The following NID1 variants were observed in gnomAD, a reference collection of about 807,000 sequenced individuals.
NID1 encodes the protein nidogen-1.
A neutral mutation model predicts 130.6 loss-of-function variants in NID1; 76 were observed. The ratio of observed to expected loss-of-function variants is 0.58; its 90% CI spans 0.48 to 0.70. NID1 has a LOEUF of 0.70. NID1 is among the 30% of genes least tolerant of loss of function. The pLI is 0.00. For missense variants in NID1, 1,517 were observed against 1,664.8 expected, an observed-to-expected ratio of 0.91 and a Z score of 1.54; for synonymous variants, 665 against 675.1, an observed-to-expected ratio of 0.98 and a Z score of 0.23.
intron 1 of NID1, among the ~76,000 whole-genome samples, chr1:236,053,288 G>A (rs1378092902): frequency 3.3e-5 from 5 of 152,172 alleles, no homozygotes; most frequent in Admixed American, 2.6e-4. Context: ...CCAGAAATAA[G>A]CCATAGGAAC....
chr1:236,023,905 C>T (rs994137379), intron 9 of NID1, among the ~76,000 whole-genome samples, 165 bp downstream of exon 9: 1 of 152,206 alleles, frequency 6.6e-6, no homozygotes, highest in South Asian at 2.1e-4. Flanking sequence ...AGTTTACCCA[C>T]GGGAACAGTG....
chr1:236,013,381 A>G, intron 11 of NID1, 30 bp downstream of exon 11: 1 of 1,612,046 alleles, frequency 6.2e-7, no homozygotes, highest in Non-Finnish European at 8.5e-7. Flanking sequence ...CTCAGGTTAC[A>G]CACAGGGGAA....
At chr1:235,989,970 C>T (rs920829463) in intron 14 of NID1, among the ~76,000 whole-genome samples, 4 of 152,120 alleles carry the variant, frequency 2.6e-5, no homozygotes, top group African/African-American at 9.7e-5. Context: ...CTTTGAGGGC[C>T]ATAAAAAGGA....
At chr1:235,994,655 T>A (rs1657869465) in intron 12 of NID1, among the ~76,000 whole-genome samples, 1 of 152,196 alleles carries the variant, frequency 6.6e-6, no homozygotes, top group Non-Finnish European at 1.5e-5. Context: ...TTTTGTTTGT[T>A]TTTTCTAAAT....
intron 12 of NID1, among the ~76,000 whole-genome samples, chr1:236,008,595 G>A (rs1386961081): frequency 6.6e-6 from 1 of 152,040 alleles, no homozygotes; most frequent in Non-Finnish European, 1.5e-5. Flanking sequence ...CCGCCTCCTG[G>A]GCTCAAGCTA....
intron 12 of NID1, 53 bp from the exon 13 acceptor site, chr1:235,993,925 C>A (rs542099709): frequency 2.6e-6 from 4 of 1,535,486 alleles, no homozygotes; most frequent in East Asian, 4.7e-5. Flanking sequence ...TCCGTCAGCG[C>A]TCCCTGGCGG....
intron 12 of NID1, among the ~76,000 whole-genome samples, chr1:236,011,303 TTTC>T (rs1471971688): frequency 2.8e-5 from 4 of 144,346 alleles, no homozygotes; most frequent in African/African-American, 1.0e-4. Flanking sequence ...ATTCTTTTTT[TTTC>T]TTTTTTTTTT....
chr1:235,980,451 T>C (rs1222850464), intron 17 of NID1, 45 bp downstream of exon 17: 2 of 1,600,494 alleles, frequency 1.2e-6, no homozygotes, highest in Admixed American at 1.7e-5. Flanking sequence ...ACCCCTGACT[T>C]AGGAGATTGA....
intron 6 of NID1, among the ~76,000 whole-genome samples, chr1:236,031,043 T>C (rs1659083112): frequency 6.6e-6 from 1 of 152,194 alleles, no homozygotes; most frequent in Admixed American, 6.5e-5. Context: ...TATATATGCC[T>C]GTGGACTAGG....
At chr1:235,991,121 A>ACC in intron 13 of NID1, 63 bp from the exon 14 acceptor site, 2 of 1,370,564 alleles carry the variant, frequency 1.5e-6, no homozygotes, top group South Asian at 1.4e-5. Flanking sequence ...AGATGCACAC[A>ACC]CACACACCCC....
chr1:236,063,153 C>CAAAAAAAAAAAAAAAAAA (rs57769010), intron 1 of NID1, among the ~76,000 whole-genome samples: 1 of 79,708 alleles, frequency 1.3e-5, no homozygotes, highest in African/African-American at 6.4e-5. Flanking sequence ...GACTTCATCT[C>CAAAAAAAAAAAAAAAAAA]AAAAAAAAAA....
chr1:236,001,976 C>T (rs1658088673), intron 12 of NID1, among the ~76,000 whole-genome samples: 3 of 152,212 alleles, frequency 2.0e-5, no homozygotes, highest in South Asian at 2.1e-4. Flanking sequence ...CCCATGGACA[C>T]GTGAAGCACT....
At chr1:235,978,875 C>T in intron 19 of NID1, 120 bp downstream of exon 19, 1 of 672,232 alleles carries the variant, frequency 1.5e-6, no homozygotes, top group Non-Finnish European at 2.7e-6. Flanking sequence ...ATGCAAAGGA[C>T]TGGATCTCTC....
At chr1:236,005,545 T>A (rs922988510) in intron 12 of NID1, among the ~76,000 whole-genome samples, 8 of 152,260 alleles carry the variant, frequency 5.3e-5, no homozygotes, top group African/African-American at 1.7e-4. Context: ...TTGCTATTTT[T>A]AAAACAATAC....
At chr1:236,007,467 G>A (rs533785884) in intron 12 of NID1, among the ~76,000 whole-genome samples, 1 of 152,264 alleles carries the variant, frequency 6.6e-6, no homozygotes, top group South Asian at 2.1e-4. Flanking sequence ...GCAGACCCCT[G>A]TCACACTGCA....
At chr1:236,044,292 CA>C (rs1332665539) in intron 3 of NID1, among the ~76,000 whole-genome samples, 21 of 152,150 alleles carry the variant, frequency 1.4e-4, no homozygotes, top group African/African-American at 5.1e-4. Flanking sequence ...CCATTCTAAA[CA>C]ATTAAATTAC....
At chr1:236,024,376 C>A (rs1356992206) in intron 8 of NID1, among the ~76,000 whole-genome samples, 163 bp from the exon 9 acceptor site, 2 of 152,258 alleles carry the variant, frequency 1.3e-5, no homozygotes, top group African/African-American at 4.8e-5. Context: ...GGGGCAGGAC[C>A]AGCATGGCCC....
In NID1 at chr1:236,045,389, T is replaced by A. The variant is rs10733132; in HGVS notation, c.752+68A>T. 510,844 of 1,134,126 alleles carry A rather than the reference T, an allele frequency of 0.45. 119,015 individuals are homozygous for A. Among genetic ancestry groups the A allele is most frequent in the East Asian group, 0.67 (28,092 of 41,638 alleles). 70.3% of individuals were successfully genotyped at this position (1,134,126 alleles called of 1,614,324 possible). Reference sequence around the variant, plus strand: ...AACATTTTTAGGTAATGATCTATAATACACATTACATTATCCACATTAAAA... The same window carrying A: ...AACATTTTTAGGTAATGATCTATAAAACACATTACATTATCCACATTAAAA... On this transcript the variant is annotated intron_variant, in intron 3 of 19. Coordinates refer to ENST00000264187, the MANE Select transcript of NID1 (RefSeq NM_002508.3).
intron 1 of NID1, among the ~76,000 whole-genome samples, chr1:236,049,967 C>A (rs1209980027): frequency 6.7e-6 from 1 of 149,496 alleles, no homozygotes; most frequent in African/African-American, 2.5e-5. Context: ...ACCCAGGAAG[C>A]GGAGGTTGCA....
Sources: gnomAD v4.1 joint callset for allele counts (sites outside exome capture counted in the v4.1 genomes callset) on GRCh38, gnomAD v4.1.1 for gene constraint, MANE v1.5 for transcripts, NCBI Gene and HGNC (gene_info 2026-07-23, HGNC 2026-07-21) for gene names.